NPAS3: variants seen among roughly 807,000 people sequenced by gnomAD.
NPAS3 encodes neuronal PAS domain-containing protein 3.
A neutral mutation model predicts 73.1 loss-of-function variants in NPAS3; 14 were observed. That is an observed-to-expected ratio of 0.19 (90% CI 0.13 to 0.30). NPAS3 has a LOEUF of 0.30. Among genes scored for constraint, NPAS3 ranks in the 10% least tolerant of loss-of-function variants. The pLI is 1.00. For synonymous variants in NPAS3, 620 were observed against 541.5 expected (o/e 1.14, Z -2.01); for missense variants, 1,096 against 1,250.0 (o/e 0.88, Z 1.86).
At chr14:33,441,976 A>G (rs183543754) in intron 4 of NPAS3, among the ~76,000 whole-genome samples, 286 of 152,262 alleles carry the variant, frequency 1.9e-3, no homozygotes, top group Non-Finnish European at 2.5e-3. Context: ...ACAATTTAAG[A>G]TGAGATTTTG....
At chr14:33,368,814 C>G (rs948475760) in intron 4 of NPAS3, among the ~76,000 whole-genome samples, 7 of 152,100 alleles carry the variant, frequency 4.6e-5, no homozygotes, top group African/African-American at 1.2e-4. Context: ...TGTTTGGAAT[C>G]TTCATTATAG....
At chr14:33,438,935 A>G (rs1049728114) in intron 4 of NPAS3, among the ~76,000 whole-genome samples, 6 of 152,164 alleles carry the variant, frequency 3.9e-5, no homozygotes, top group African/African-American at 1.4e-4. Flanking sequence ...TCAGTGACAT[A>G]CCTACATTTA....
intron 1 of NPAS3, among the ~76,000 whole-genome samples, chr14:32,988,812 T>C (rs1408731433): frequency 6.6e-6 from 1 of 152,234 alleles, no homozygotes; most frequent in Non-Finnish European, 1.5e-5. Flanking sequence ...AAGAAGACCT[T>C]CCAATTTATA....
At chr14:33,573,890 G>T (rs2056331594) in intron 5 of NPAS3, among the ~76,000 whole-genome samples, 1 of 152,190 alleles carries the variant, frequency 6.6e-6, no homozygotes, top group South Asian at 2.1e-4. Context: ...CACACCAGTG[G>T]AAATAAAAGA....
chr14:33,017,831 C>G (rs755840724), intron 1 of NPAS3, among the ~76,000 whole-genome samples: 1 of 152,102 alleles, frequency 6.6e-6, no homozygotes, highest in Non-Finnish European at 1.5e-5. Flanking sequence ...TAAATAGCAT[C>G]AAGTGGACAG....
intron 3 of NPAS3, among the ~76,000 whole-genome samples, chr14:33,353,156 TAAA>T (rs35112023): frequency 8.9e-5 from 13 of 146,790 alleles, no homozygotes; most frequent in Admixed American, 1.4e-4. Flanking sequence ...ATGGCTTCTG[TAAA>T]AAAAAAAAAA....
At chr14:33,236,821 T>C (rs2048051032) in intron 3 of NPAS3, among the ~76,000 whole-genome samples, 1 of 152,112 alleles carries the variant, frequency 6.6e-6, no homozygotes, top group Non-Finnish European at 1.5e-5. Context: ...CAAACAGTGC[T>C]CTCAGTTTGT....
intron 3 of NPAS3, among the ~76,000 whole-genome samples, chr14:33,221,291 G>A (rs535560990): frequency 5.9e-5 from 9 of 152,292 alleles, no homozygotes; most frequent in African/African-American, 2.2e-4. Context: ...AGCAGATCAC[G>A]TGGCACAGAC....
intron 6 of NPAS3, among the ~76,000 whole-genome samples, chr14:33,729,888 C>T (rs1360162094): frequency 6.6e-6 from 1 of 152,042 alleles, no homozygotes; most frequent in African/African-American, 2.4e-5. Context: ...CAGATGTCAT[C>T]CTGGATAAAC....
intron 3 of NPAS3, among the ~76,000 whole-genome samples, chr14:33,359,004 G>A (rs1276307720): frequency 1.3e-5 from 2 of 152,052 alleles, no homozygotes; most frequent in African/African-American, 4.8e-5. Flanking sequence ...TGTCCCTTGG[G>A]CCAATACCCC....
chr14:33,553,695 G>A (rs1324410436), intron 4 of NPAS3, among the ~76,000 whole-genome samples: 1 of 152,148 alleles, frequency 6.6e-6, no homozygotes, highest in Non-Finnish European at 1.5e-5. Context: ...CTAAACCTTT[G>A]ATGTGTGTGC....
intron 4 of NPAS3, among the ~76,000 whole-genome samples, chr14:33,553,459 AC>A (rs1374584422): frequency 2.0e-5 from 3 of 151,876 alleles, no homozygotes; most frequent in African/African-American, 4.8e-5. Context: ...GTTGTGGGAA[AC>A]CCTTACGAAA....
chr14:33,784,745 A>ATTTATTTTTTTTTT (rs1471526546), intron 9 of NPAS3, among the ~76,000 whole-genome samples: 8 of 73,850 alleles, frequency 1.1e-4, no homozygotes, highest in African/African-American at 1.9e-4. Flanking sequence ...TTATTTATTT[A>ATTTATTTTTTTTTT]TTTTTTTTTT....
chr14:33,210,957 T>C (rs764836093), intron 2 of NPAS3, among the ~76,000 whole-genome samples: 2 of 152,186 alleles, frequency 1.3e-5, no homozygotes, highest in Non-Finnish European at 2.9e-5. Context: ...ATAGGAATTA[T>C]ATTAGTGAGA....
chr14:32,966,470 A>G (rs1287337849), intron 1 of NPAS3, among the ~76,000 whole-genome samples: 1 of 152,220 alleles, frequency 6.6e-6, no homozygotes. Context: ...TCTTCAGGAA[A>G]TGGTACTAGG....
intron 5 of NPAS3, among the ~76,000 whole-genome samples, chr14:33,651,988 C>T (rs1433291128): frequency 6.6e-6 from 1 of 152,156 alleles, no homozygotes; most frequent in Non-Finnish European, 1.5e-5. Context: ...TTCCACATCC[C>T]AGCCCTGCCT....
intron 4 of NPAS3, among the ~76,000 whole-genome samples, chr14:33,502,829 T>G (rs2139930360): frequency 6.6e-6 from 1 of 152,094 alleles, no homozygotes; most frequent in East Asian, 2.0e-4. Context: ...CTGCTTCTAT[T>G]TCTTACCAAT....
chr14:33,269,324 G>T (rs1411028418), intron 3 of NPAS3, among the ~76,000 whole-genome samples: 1 of 152,108 alleles, frequency 6.6e-6, no homozygotes, highest in Non-Finnish European at 1.5e-5. Context: ...TTATAGATGA[G>T]AAAGCAGAGG....
intron 6 of NPAS3, among the ~76,000 whole-genome samples, chr14:33,710,526 C>T (rs1184820621): frequency 1.3e-5 from 2 of 152,184 alleles, no homozygotes; most frequent in African/African-American, 4.8e-5. Flanking sequence ...CCGCATTCTT[C>T]TCCTACAAGC....
Sources: gnomAD v4.1 joint callset for allele counts (sites outside exome capture counted in the v4.1 genomes callset) on GRCh38, gnomAD v4.1.1 for gene constraint, MANE v1.5 for transcripts, NCBI Gene and HGNC (gene_info 2026-07-23, HGNC 2026-07-21) for gene names.